COL6A3: variants seen among roughly 807,000 people sequenced by gnomAD.
COL6A3 encodes the protein collagen alpha-3(VI) chain.
COL6A3 carries 137 observed loss-of-function variants against 274.1 expected under a neutral mutation model. The observed-to-expected ratio is 0.50, with a 90% CI of 0.44 to 0.58. COL6A3 has a LOEUF of 0.58. Among genes scored for constraint, COL6A3 ranks in the 20% least tolerant of loss-of-function variants. The pLI is 0.00. For synonymous variants in COL6A3, 1,650 were observed against 1,650.6 expected, an observed-to-expected ratio of 1.00 and a Z score of 0.01; for missense variants, 3,950 against 4,124.9, an observed-to-expected ratio of 0.96 and a Z score of 1.16.
chr2:237,380,956 C>G lies in COL6A3; in HGVS notation c.1856G>C (p.Gly619Ala), dbSNP rs1467166956. 1 of 1,614,162 alleles carries G rather than the reference C, an allele frequency of 6.2e-7. No individual in the cohort carries two copies. The highest frequency in any genetic ancestry group is 1.3e-5 in the African/African-American group (1 of 75,060). The change falls in exon 5 of 44, where the codon GGC (glycine) becomes GCC (alanine). Residue 619 changes from glycine (G) to alanine (A), a missense_variant. Gly to Ala is a moderately conservative substitution (Grantham distance 60). Transcript: ENST00000295550. ...RAAPLQGMLP[G>A]LLAPLRTLSG... ...GAGGGTCCTGAGAGGTGCCAGCAAGCCAGGCAGCATGCCTTGCAATGGGGC... is the reference window on the plus strand; with the variant it reads ...GAGGGTCCTGAGAGGTGCCAGCAAGGCAGGCAGCATGCCTTGCAATGGGGC...
At chr2:237,358,023 G>A in intron 21 of COL6A3, 141 bp from the exon 22 acceptor site, 1 of 815,236 alleles carries the variant, frequency 1.2e-6, no homozygotes. Flanking sequence ...ACCCATCCAG[G>A]TAACATCCAT....
intron 26 of COL6A3, 77 bp downstream of exon 26, chr2:237,352,445 C>T (rs1057510797): frequency 2.3e-5 from 32 of 1,414,400 alleles, no homozygotes; most frequent in East Asian, 2.0e-4. Flanking sequence ...TAGCATCATC[C>T]GAGAAACTCT....
In COL6A3 at chr2:237,368,437, T is replaced by G; in HGVS notation, c.4900+126A>C. On this transcript the variant is annotated intron_variant, in intron 10 of 43. Transcript: ENST00000295550. This position sits in a 1 kb window ranked among gnomAD's most constrained non-coding sequence, Gnocchi z 4.4. ...GGAACTACTTTTCCAGTATTTAATT[T>G]CTAATATTATCTGAAGAAACAACCC... 1 of 1,196,540 alleles carries G rather than the reference T, an allele frequency of 8.4e-7. No individual in the cohort carries two copies. The highest frequency in any genetic ancestry group is 1.2e-6 in the Non-Finnish European group (1 of 864,790). The allele number at this position is 1,196,540 out of a possible 1,614,324, so 74.1% of individuals were successfully genotyped here.
intron 9 of COL6A3, 56 bp from the exon 10 acceptor site, chr2:237,369,233 G>C (rs2077628749): frequency 1.3e-6 from 2 of 1,594,610 alleles, no homozygotes; most frequent in South Asian, 2.2e-5. Context: ...CCCTCACCCA[G>C]GTTTGGTGTG....
At chr2:237,405,676 A>G (rs2078701805) in intron 1 of COL6A3, among the ~76,000 whole-genome samples, 1 of 152,134 alleles carries the variant, frequency 6.6e-6, no homozygotes, top group African/African-American at 2.4e-5. Context: ...CTACATAGAT[A>G]AAAACAACAT....
At chr2:237,406,907 C>CTTTTTT (rs1006109385) in intron 1 of COL6A3, among the ~76,000 whole-genome samples, 36 of 123,514 alleles carry the variant, frequency 2.9e-4, no homozygotes, top group Non-Finnish European at 5.2e-4. Context: ...TCTTTTTTCC[C>CTTTTTT]TTTTTTTTTT....
At chr2:237,345,115 A>G (rs1476813598) in intron 33 of COL6A3, 21 bp from the exon 34 acceptor site, 1 of 1,614,042 alleles carries the variant, frequency 6.2e-7, no homozygotes. Context: ...AAATAAAAGA[A>G]TATGTAAAGA....
rs1200922789 is a variant in COL6A3 at position 237,350,027 on chromosome 2, G to T, written c.6879+120C>A. On this transcript the variant is annotated intron_variant, in intron 28 of 43. Transcript: ENST00000295550. The stretch of plus-strand genomic sequence containing the variant: ...AGATGAGCAAGTTTCAGTATTTCCA[G>T]CCGTATCCCCAATAATACAAGAAGC... 3.1e-6 allele frequency: 3 copies of T among 963,898 alleles called. No individual in the cohort carries two copies. The Admixed American group carries it at 5.1e-5, about 17-fold the overall frequency. 59.7% of individuals were successfully genotyped at this position (963,898 alleles called of 1,614,324 possible).
At chr2:237,353,977 C>G (rs2077262315) in intron 24 of COL6A3, among the ~76,000 whole-genome samples, 2 of 152,008 alleles carry the variant, frequency 1.3e-5, no homozygotes, top group African/African-American at 4.8e-5. Flanking sequence ...AGAGCTGCCT[C>G]CCATTCTATT....
intron 36 of COL6A3, 158 bp from the exon 37 acceptor site, chr2:237,342,319 C>A: frequency 1.5e-6 from 1 of 682,376 alleles, no homozygotes; most frequent in Admixed American, 2.1e-5. Context: ...TGGGGTTAGG[C>A]TCTGAGTATA....
intron 3 of COL6A3, among the ~76,000 whole-genome samples, chr2:237,390,092 G>A (rs548642588): frequency 1.5e-4 from 23 of 152,146 alleles, no homozygotes; most frequent in Non-Finnish European, 2.6e-4. Context: ...CAAAGGACAC[G>A]GAAGGATTTG....
intron 21 of COL6A3, 139 bp from the exon 22 acceptor site, chr2:237,358,021 A>G (rs2077355616): frequency 1.2e-6 from 1 of 820,676 alleles, no homozygotes; most frequent in Non-Finnish European, 2.2e-6. Flanking sequence ...CAACCCATCC[A>G]GGTAACATCC....
Position 237,342,086 on chromosome 2 carries a change from G to A in COL6A3, c.7744C>T (p.Leu2582Phe), listed in dbSNP as rs780850057. ...RDLTDFLENV[L>F]TCHVCLDICN... ...TTACCCAAGCAAACATGACACGTGAGGACATTCTCCAGGAAGTCTGTGAGG... is the reference window on the plus strand; with the variant it reads ...TTACCCAAGCAAACATGACACGTGAAGACATTCTCCAGGAAGTCTGTGAGG... The change falls in exon 37 of 44, where the codon CTC (leucine) becomes TTC (phenylalanine). Residue 2582 changes from leucine to phenylalanine, a missense_variant. By Grantham distance (22) the Leu-to-Phe change is conservative (BLOSUM62 0). Around this residue, in one of 5 missense-constraint regions of COL6A3, gnomAD observed 1,284 missense variants for 1,349.7 expected, o/e 0.95. Transcript: ENST00000295550. 5.0e-6 allele frequency: 8 copies of A among 1,614,058 alleles called. 1 individual carries two copies. The highest frequency in any genetic ancestry group is 2.2e-5 in the South Asian group (2 of 91,074).
Position 237,387,803 on chromosome 2 carries a change from T to C in COL6A3, c.1091A>G (p.Tyr364Cys). The part of the protein sequence containing the change: ...SAGPSSDEIR[Y>C]GVVALKQASV... ...AGCCTGCTTCAGTGCTACCACCCCG[T>C]AGCGAATCTCGTCACTAGAAGGCCC... The change falls in exon 4 of 44, where the codon TAC becomes TGC. Residue 364 changes from tyrosine to cysteine, a missense_variant. Around this residue, in one of 5 missense-constraint regions of COL6A3, gnomAD observed 1,934 missense variants for 1,984.3 expected, o/e 0.97. Coordinates refer to ENST00000295550, the MANE Select transcript of COL6A3 (RefSeq NM_004369.4). 6.2e-7 allele frequency: 1 copy of C among 1,614,136 alleles called. No individual in the cohort carries two copies. Among genetic ancestry groups the C allele is most frequent in the Non-Finnish European group, 8.5e-7 (1 of 1,180,018 alleles).
chr2:237,345,118 T>C, intron 33 of COL6A3, 24 bp from the exon 34 acceptor site: 1 of 1,614,018 alleles, frequency 6.2e-7, no homozygotes, highest in Non-Finnish European at 8.5e-7. Flanking sequence ...TAAAAGAATA[T>C]GTAAAGAGAG....
Position 237,368,779 on chromosome 2 carries a change from C to T in COL6A3, c.4684G>A (p.Val1562Met). The change falls in exon 10 of 44, where the codon GTG becomes ATG. Residue 1562 changes from valine (V) to methionine (M), a missense_variant. By Grantham distance (21) the Val-to-Met change is conservative (BLOSUM62 1). Transcript: ENST00000295550. This position sits in a 1 kb window ranked among gnomAD's most constrained non-coding sequence, Gnocchi z 4.4. ...SQDDVSRFAQ[V>M]IRSSGIVSLG... ...CTCACAATGCCCGAGGAACGGATCACCTGGGCGAACCTGGACACATCGTCC... is the reference window on the plus strand; with the variant it reads ...CTCACAATGCCCGAGGAACGGATCATCTGGGCGAACCTGGACACATCGTCC... 2 of 1,614,224 alleles carry T rather than the reference C, an allele frequency of 1.2e-6. No homozygotes were observed. Among genetic ancestry groups the T allele is most frequent in the Non-Finnish European group, 8.5e-7 (1 of 1,180,038 alleles).
chr2:237,393,529 G>A (rs2078345105), intron 3 of COL6A3, among the ~76,000 whole-genome samples: 1 of 152,106 alleles, frequency 6.6e-6, no homozygotes. Context: ...GAACATGTGT[G>A]TCTCCTTTCT....
chr2:237,357,211 G>A (rs934272277), intron 23 of COL6A3, 127 bp downstream of exon 23: 12 of 847,036 alleles, frequency 1.4e-5, no homozygotes, highest in African/African-American at 5.0e-5. Flanking sequence ...AGTAACAACC[G>A]TTTCAGAAAT....
rs376114918 is a variant in COL6A3 at position 237,402,297 on chromosome 2, A to G, written c.-30-5450T>C. 2.6e-5 allele frequency among the ~76,000 whole-genome samples: 4 copies of G among 152,238 alleles called. No homozygotes were observed. In the East Asian group the frequency reaches 5.8e-4, roughly 22 times the overall value. On this transcript the variant is annotated intron_variant, in intron 1 of 43. Transcript: ENST00000295550. ...TTTGCAAGATCAAAAAGTTATAGATATTTGTTGTAGCACAAGGTGCGTATA... is the reference window on the plus strand; with the variant it reads ...TTTGCAAGATCAAAAAGTTATAGATGTTTGTTGTAGCACAAGGTGCGTATA...
Sources: allele counts gnomAD v4.1 joint callset (sites outside exome capture counted in the v4.1 genomes callset), GRCh38; gene constraint gnomAD v4.1.1; regional missense constraint gnomAD v4.1.1; non-coding constraint Gnocchi (gnomAD v3.1); transcripts MANE v1.5; gene names NCBI Gene and HGNC (gene_info 2026-07-23, HGNC 2026-07-21).